DLGAP1: variants seen among roughly 807,000 people sequenced by gnomAD.
DLGAP1 encodes DLG associated protein 1.
DLGAP1 carries 11 observed loss-of-function variants against 90.8 expected under a neutral mutation model. That is an observed-to-expected ratio of 0.12 (90% CI 0.08 to 0.20). The LOEUF is 0.20. Among genes scored for constraint, DLGAP1 ranks in the 10% least tolerant of loss-of-function variants. DLGAP1 has a pLI of 1.00. For missense variants in DLGAP1, 1,050 were observed against 1,333.8 expected (o/e 0.79, Z 3.31); for synonymous variants, 558 against 540.7 (o/e 1.03, Z -0.44).
intron 3 of DLGAP1, among the ~76,000 whole-genome samples, chr18:3,883,520 G>A (rs895146074): frequency 1.2e-4 from 18 of 152,218 alleles, no homozygotes; most frequent in African/African-American, 4.3e-4. Context: ...AAATTGTGAC[G>A]TCCTTAAGGG....
At chr18:4,145,750 T>A (rs12955554) in intron 2 of DLGAP1, among the ~76,000 whole-genome samples, 14,786 of 152,248 alleles carry the variant, frequency 0.097, 914 homozygotes, top group East Asian at 0.27. Flanking sequence ...TTTTAGTCAT[T>A]CTGAAATCAG....
chr18:4,306,145 C>T lies in DLGAP1; in HGVS notation c.-267+148861G>A, dbSNP rs16946401. ...CAGCAGATAGGTGATATCTGGAAAACTGGTGGATAACGAATGACTGCTTAA... is the reference window on the plus strand; with the variant it reads ...CAGCAGATAGGTGATATCTGGAAAATTGGTGGATAACGAATGACTGCTTAA... On this transcript the variant is annotated intron_variant, in intron 1 of 12. Coordinates refer to ENST00000315677, the MANE Select transcript of DLGAP1 (RefSeq NM_004746.4). Among the ~76,000 whole-genome samples the T allele has an allele frequency of 4.6e-3, 690 of 150,438 alleles. 6 individuals carry two copies. The highest frequency in any genetic ancestry group is 0.016 in the African/African-American group (654 of 40,794).
intron 10 of DLGAP1, among the ~76,000 whole-genome samples, chr18:3,533,190 T>G (rs1380605651): frequency 6.6e-6 from 1 of 151,840 alleles, no homozygotes; most frequent in Non-Finnish European, 1.5e-5. Context: ...ACTTGGGAGG[T>G]CAAGGCTGGG....
chr18:4,093,470 G>A (rs2075621275), intron 2 of DLGAP1, among the ~76,000 whole-genome samples: 1 of 152,170 alleles, frequency 6.6e-6, no homozygotes, highest in Non-Finnish European at 1.5e-5. Context: ...TATTTAAGAA[G>A]TGGATTTTGC....
rs369182136 is a variant in DLGAP1 at position 3,498,271 on chromosome 18, G to A, written c.*914C>T. 5 of 151,998 alleles carry A rather than the reference G, an allele frequency of 3.3e-5. No individual in the cohort carries two copies. The highest frequency in any genetic ancestry group is 1.2e-4 in the African/African-American group (5 of 41,362). The allele number at this position is 151,998 out of a possible 1,614,324, so 9.4% of individuals were successfully genotyped here. Reference sequence around the variant, plus strand: ...CAACACTTTCCCTTTAAAAACAGCCGCCACGACAACAATATAAATATACAC... The same window carrying A: ...CAACACTTTCCCTTTAAAAACAGCCACCACGACAACAATATAAATATACAC... On this transcript the variant is annotated 3_prime_UTR_variant, in exon 13 of 13. Coordinates refer to ENST00000315677, the MANE Select transcript of DLGAP1 (RefSeq NM_004746.4).
chr18:4,246,924 C>G (rs1053799851), intron 1 of DLGAP1, among the ~76,000 whole-genome samples: 2 of 152,134 alleles, frequency 1.3e-5, no homozygotes, highest in African/African-American at 4.8e-5. Flanking sequence ...CTTTCATCAT[C>G]ATATCTTGTT....
intron 2 of DLGAP1, among the ~76,000 whole-genome samples, chr18:4,095,259 C>G (rs1339152156): frequency 2.0e-5 from 3 of 151,984 alleles, no homozygotes; most frequent in Non-Finnish European, 4.4e-5. Flanking sequence ...GTGCCATTAA[C>G]AAAGTTTTGG....
rs570672355 is a variant in DLGAP1 at position 3,564,251 on chromosome 18, C to A, written c.2057+3239G>T. Among the ~76,000 whole-genome samples, 68 of 152,274 alleles carry A rather than the reference C, an allele frequency of 4.5e-4. 1 individual carries two copies. The Middle Eastern group carries it at 0.017, about 38-fold the overall frequency. ...TCTACAGTTCTATGATTAGTCTCAG[C>A]CTTTTGGTGAGCCTGTGCTCCTGGT... On this transcript the variant is annotated intron_variant, in intron 9 of 12. Coordinates refer to ENST00000315677, the MANE Select transcript of DLGAP1 (RefSeq NM_004746.4).
chr18:4,117,509 G>A (rs1250927759), intron 2 of DLGAP1, among the ~76,000 whole-genome samples: 1 of 152,134 alleles, frequency 6.6e-6, no homozygotes, highest in Non-Finnish European at 1.5e-5. Context: ...GCAGCCTCGT[G>A]TTTATATCTT....
rs1240869044 is a variant in DLGAP1 at position 3,600,977 on chromosome 18, TATAG to T, written c.1592-18733_1592-18730del. ...ATATATATAGATATATAGATAGATA[TATAG>T]ATATAGATATATAGATATATAGATA... On this transcript the variant is annotated intron_variant, in intron 7 of 12. Transcript: ENST00000315677. 7.5e-4 allele frequency among the ~76,000 whole-genome samples: 82 copies of T among 109,950 alleles called. 7 individuals carry two copies. The highest frequency in any genetic ancestry group is 2.6e-3 in the African/African-American group (73 of 28,120). The allele number at this position is 109,950 out of a possible 152,430, so 72.1% of individuals were successfully genotyped here.
chr18:3,806,618 T>C (rs1568166663), intron 5 of DLGAP1, among the ~76,000 whole-genome samples: 1 of 152,244 alleles, frequency 6.6e-6, no homozygotes, highest in Non-Finnish European at 1.5e-5. Context: ...CCTCGTTGTC[T>C]GCACTTTAAC....
chr18:3,502,207 C>T (rs1374362856), intron 12 of DLGAP1: 2 of 1,279,198 alleles, frequency 1.6e-6, no homozygotes, highest in African/African-American at 1.5e-5. Flanking sequence ...GAGGCAGTTC[C>T]TTCCAGTGAC....
chr18:4,413,110 G>T (rs2082815586), intron 1 of DLGAP1, among the ~76,000 whole-genome samples: 1 of 152,142 alleles, frequency 6.6e-6, no homozygotes, highest in Non-Finnish European at 1.5e-5. Flanking sequence ...CAGGCATGGT[G>T]TTCAGATGGA....
chr18:4,053,827 G>A (rs2075173091), intron 2 of DLGAP1, among the ~76,000 whole-genome samples: 1 of 152,054 alleles, frequency 6.6e-6, no homozygotes, highest in South Asian at 2.1e-4. Flanking sequence ...CTGGAATTAT[G>A]GGTAAAATCC....
At chr18:3,759,776 A>G (rs1454655983) in intron 5 of DLGAP1, among the ~76,000 whole-genome samples, 2 of 152,164 alleles carry the variant, frequency 1.3e-5, no homozygotes, top group Non-Finnish European at 2.9e-5. Flanking sequence ...AAAAGAAGAG[A>G]CTCATTTGGA....
chr18:3,659,420 CACACACACACACA>C, intron 7 of DLGAP1, among the ~76,000 whole-genome samples: 2 of 141,738 alleles, frequency 1.4e-5, no homozygotes, highest in African/African-American at 5.4e-5. Flanking sequence ...CACACACACA[CACACACACACACA>C]CGGATGCTAC....
intron 3 of DLGAP1, among the ~76,000 whole-genome samples, chr18:3,934,865 C>T (rs1260755814): frequency 6.6e-6 from 1 of 152,170 alleles, no homozygotes; most frequent in African/African-American, 2.4e-5. Flanking sequence ...GGGGTCTTTT[C>T]AAAAGAAGCA....
At chr18:3,720,452 T>G (rs1035865549) in intron 7 of DLGAP1, among the ~76,000 whole-genome samples, 1 of 152,138 alleles carries the variant, frequency 6.6e-6, no homozygotes, top group Non-Finnish European at 1.5e-5. Flanking sequence ...ACTATTCATT[T>G]TGGTCTTCTC....
rs1567873355 is a variant in DLGAP1, at chr18:4,378,082, TC to T, written c.-267+76923del. Among the ~76,000 whole-genome samples the T allele has an allele frequency of 6.7e-6, 1 of 148,736 alleles. No homozygotes were observed. Among genetic ancestry groups the T allele is most frequent in the African/African-American group, 2.4e-5 (1 of 40,900 alleles). ...TATTATAAAATATATATATCACTTT[TC>T]AATCTTTTTTCTAATATATAACATA... is the stretch of plus-strand genomic sequence containing the variant. On this transcript the variant is annotated intron_variant, in intron 1 of 12. Transcript: ENST00000315677. This position sits in a 1 kb window ranked among gnomAD's most constrained non-coding sequence, Gnocchi z 4.5.
Sources: gnomAD v4.1 joint callset for allele counts (sites outside exome capture counted in the v4.1 genomes callset) on GRCh38, gnomAD v4.1.1 for gene constraint, Gnocchi (gnomAD v3.1) non-coding constraint, MANE v1.5 for transcripts, NCBI Gene and HGNC (gene_info 2026-07-23, HGNC 2026-07-21) for gene names.